DERA: variants seen among roughly 807,000 people sequenced by gnomAD.
DERA encodes the protein deoxyribose-phosphate aldolase, also known as 2-deoxy-D-ribose 5-phosphate aldolase.
A neutral mutation model predicts 41.1 loss-of-function variants in DERA; 15 were observed. The observed-to-expected ratio is 0.37, with a 90% CI of 0.24 to 0.56. The LOEUF (loss-of-function observed/expected upper bound fraction) is 0.56. Ranked by LOEUF, DERA falls within the 20% of genes least tolerant of loss-of-function variation. DERA has a pLI of 0.81. For synonymous variants in DERA, 139 were observed against 137.4 expected (o/e 1.01, Z -0.08); for missense variants, 396 against 403.4 (o/e 0.98, Z 0.16).
At chr12:15,968,735 T>G (rs1948640614) in intron 5 of DERA, among the ~76,000 whole-genome samples, 1 of 152,222 alleles carries the variant, frequency 6.6e-6, no homozygotes. Context: ...AGATAATGTA[T>G]GTAAAATATC....
At chr12:15,978,851 A>G (rs1948715509) in intron 5 of DERA, among the ~76,000 whole-genome samples, 1 of 152,228 alleles carries the variant, frequency 6.6e-6, no homozygotes, top group Admixed American at 6.5e-5. Flanking sequence ...ACAGGAACTG[A>G]CATTCCTTGA....
rs1313385941 is a variant in DERA, at chr12:15,990,317, A to C, written c.637+7881A>C. Among the ~76,000 whole-genome samples, 1 of 152,190 alleles carries C rather than the reference A, an allele frequency of 6.6e-6. No homozygotes were observed. The highest frequency in any genetic ancestry group is 1.5e-5 in the Non-Finnish European group (1 of 68,034). On this transcript the variant is annotated intron_variant, in intron 6 of 8. Coordinates refer to ENST00000428559, the MANE Select transcript of DERA (RefSeq NM_015954.4). This position sits in a 1 kb window ranked among gnomAD's most constrained non-coding sequence, Gnocchi z 4.3. ...TTATATTTGAACTTACTTTGCTAAC[A>C]CTTGCCTCTGTATTCAAAAAGAAAG...
chr12:15,963,009 G>C, intron 5 of DERA, 62 bp downstream of exon 5: 24 of 1,548,310 alleles, frequency 1.6e-5, no homozygotes, highest in Non-Finnish European at 2.0e-5. Flanking sequence ...CAGATGATGA[G>C]GTAAGATGTG....
Position 15,995,217 on chromosome 12 carries a change from A to G in DERA, c.637+12781A>G, listed in dbSNP as rs749345431. On this transcript the variant is annotated intron_variant, in intron 6 of 8. Transcript: ENST00000428559. This position sits in a 1 kb window ranked among gnomAD's most constrained non-coding sequence, Gnocchi z 5.1. ...TTTACTTTTCTGTTGAGGGCAAGAA[A>G]AGGAAGACATAATGGCAAGGTGTTT... is the stretch of plus-strand genomic sequence containing the variant. Among the ~76,000 whole-genome samples the G allele has an allele frequency of 2.6e-5, 4 of 152,318 alleles. No homozygotes were observed. Among genetic ancestry groups the G allele is most frequent in the African/African-American group, 4.8e-5 (2 of 41,576 alleles).
In DERA at chr12:15,954,604, G is replaced by A. The variant is rs1328825639; in HGVS notation, c.32-2332G>A. Among the ~76,000 whole-genome samples the A allele has an allele frequency of 6.6e-6, 1 of 152,222 alleles. No homozygotes were observed. Among genetic ancestry groups the A allele is most frequent in the Non-Finnish European group, 1.5e-5 (1 of 68,046 alleles). On this transcript the variant is annotated intron_variant, in intron 1 of 8. Transcript: ENST00000428559. This position sits in a 1 kb window ranked among gnomAD's most constrained non-coding sequence, Gnocchi z 4.0. ...GGCATAATGTGTCAGGGAACTGCCAGTAGTTTAGGAAGGCTGCACCACAGA... is the reference window on the plus strand; with the variant it reads ...GGCATAATGTGTCAGGGAACTGCCAATAGTTTAGGAAGGCTGCACCACAGA...
rs896871799 is a variant in DERA at position 16,001,981 on chromosome 12, CT to C, written c.637+19554del. The stretch of plus-strand genomic sequence containing the variant: ...GGCACTTTGTAACAGCAAGGTTATT[CT>C]TTTTTTTTATTATTATTATGCTTTA... On this transcript the variant is annotated intron_variant, in intron 6 of 8. Coordinates refer to ENST00000428559, the MANE Select transcript of DERA (RefSeq NM_015954.4). The surrounding 1 kb of genome is among the most constrained non-coding windows in gnomAD (Gnocchi z 4.1). Among the ~76,000 whole-genome samples the C allele has an allele frequency of 1.7e-3, 265 of 151,656 alleles. No homozygotes were observed. The highest frequency in any genetic ancestry group is 2.5e-3 in the Non-Finnish European group (170 of 67,874).
At chr12:15,920,221 G>C (rs545876453) in intron 1 of DERA, among the ~76,000 whole-genome samples, 5 of 152,038 alleles carry the variant, frequency 3.3e-5, no homozygotes, top group Admixed American at 6.5e-5. Flanking sequence ...CACTTATAAG[G>C]CTACCTCTTT....
chr12:15,945,016 G>T (rs1213839398), intron 1 of DERA, among the ~76,000 whole-genome samples: 2 of 152,106 alleles, frequency 1.3e-5, no homozygotes, highest in Non-Finnish European at 2.9e-5. Flanking sequence ...TTTTTGTCAG[G>T]TTTGTCAAAG....
In DERA at chr12:15,956,013, T is replaced by C. The variant is rs77491608; in HGVS notation, c.32-923T>C. 3.0e-3 allele frequency among the ~76,000 whole-genome samples: 453 copies of C among 152,366 alleles called. 2 individuals carry two copies. The highest frequency in any genetic ancestry group is 0.01 in the African/African-American group (432 of 41,596). On this transcript the variant is annotated intron_variant, in intron 1 of 8. Coordinates refer to ENST00000428559, the MANE Select transcript of DERA (RefSeq NM_015954.4). ...TTTACCGTGAGGCCACCTATGTTTA[T>C]AGGATATTGGTGGATGAAGTTGAAA... is the stretch of plus-strand genomic sequence containing the variant.
rs1948164281 is a variant in DERA at position 15,911,601 on chromosome 12, C to T, written c.31+187C>T. On this transcript the variant is annotated intron_variant, in intron 1 of 8. Coordinates refer to ENST00000428559, the MANE Select transcript of DERA (RefSeq NM_015954.4). This position sits in a 1 kb window ranked among gnomAD's most constrained non-coding sequence, Gnocchi z 4.5. ...GGCCGAACCCGGCACGTTCGCGCCG[C>T]TTGTCTTTGCACCTAAGCTTTTACT... 2.8e-6 allele frequency: 2 copies of T among 703,144 alleles called. No individual in the cohort carries two copies. The highest frequency in any genetic ancestry group is 1.8e-5 in the African/African-American group (1 of 56,696). 43.6% of individuals were successfully genotyped at this position (703,144 alleles called of 1,614,324 possible). A position where few individuals can be genotyped will look rare whatever the true frequency, so the allele number is the denominator to read the frequency against.
Position 15,999,026 on chromosome 12 carries a change from A to C in DERA, c.637+16590A>C, listed in dbSNP as rs1352903524. ...CACCTCCTTTCATCTTCAACATATT[A>C]GATTTAGGATTTGAATAGGGAGTTC... On this transcript the variant is annotated intron_variant, in intron 6 of 8. Transcript: ENST00000428559. The surrounding 1 kb of genome is among the most constrained non-coding windows in gnomAD (Gnocchi z 5.3). 6.6e-6 allele frequency among the ~76,000 whole-genome samples: 1 copy of C among 152,150 alleles called. No homozygotes were observed. The highest frequency in any genetic ancestry group is 1.5e-5 in the Non-Finnish European group (1 of 68,028).
In DERA at chr12:15,915,955, TGTGTCGACTG is replaced by T. The variant is rs1209485493; in HGVS notation, c.31+4545_31+4554del. On this transcript the variant is annotated intron_variant, in intron 1 of 8. Transcript: ENST00000428559. The surrounding 1 kb of genome is among the most constrained non-coding windows in gnomAD (Gnocchi z 4.8). ...ATGCTACATGCTTAAACAACCACAC[TGTGTCGACTG>T]GTGCTAACTGGGAGCACTACACCCT... is the stretch of plus-strand genomic sequence containing the variant. Among the ~76,000 whole-genome samples, 1 of 152,228 alleles carries T rather than the reference TGTGTCGACTG, an allele frequency of 6.6e-6. No homozygotes were observed. The highest frequency in any genetic ancestry group is 2.4e-5 in the African/African-American group (1 of 41,454).
intron 6 of DERA, among the ~76,000 whole-genome samples, chr12:16,028,034 CAG>C (rs1949064377): frequency 6.6e-6 from 1 of 152,184 alleles, no homozygotes. Flanking sequence ...TTAATATACA[CAG>C]ATATATTTCC....
In DERA at chr12:16,003,411, C is replaced by T. The variant is rs1948889124; in HGVS notation, c.637+20975C>T. On this transcript the variant is annotated intron_variant, in intron 6 of 8. Coordinates refer to ENST00000428559, the MANE Select transcript of DERA (RefSeq NM_015954.4). The surrounding 1 kb of genome is among the most constrained non-coding windows in gnomAD (Gnocchi z 4.8). Reference sequence around the variant, plus strand: ...ACTTCCACCTATGAATTTTGGGGGGCTCCAGTTCAATCCACAACAAATGAG... The same window carrying T: ...ACTTCCACCTATGAATTTTGGGGGGTTCCAGTTCAATCCACAACAAATGAG... 1.3e-5 allele frequency among the ~76,000 whole-genome samples: 2 copies of T among 152,132 alleles called. No individual in the cohort carries two copies. The highest frequency in any genetic ancestry group is 4.8e-5 in the African/African-American group (2 of 41,416).
chr12:15,987,802 G>A (rs929656908), intron 6 of DERA, among the ~76,000 whole-genome samples: 3 of 152,054 alleles, frequency 2.0e-5, no homozygotes, highest in Non-Finnish European at 4.4e-5. Flanking sequence ...GCTCCTGGTT[G>A]CTGGACTTGT....
chr12:15,936,539 A>G lies in DERA; in HGVS notation c.32-20397A>G, dbSNP rs1307211236. Among the ~76,000 whole-genome samples the G allele has an allele frequency of 6.6e-6, 1 of 152,240 alleles. No individual in the cohort carries two copies. Among genetic ancestry groups the G allele is most frequent in the East Asian group, 1.9e-4 (1 of 5,200 alleles). ...TAAAGAAATTAATATATTTTCTTAC[A>G]GTACCATAACATCATTGTCACAGTA... is the stretch of plus-strand genomic sequence containing the variant. On this transcript the variant is annotated intron_variant, in intron 1 of 8. Transcript: ENST00000428559. The surrounding 1 kb of genome is among the most constrained non-coding windows in gnomAD (Gnocchi z 4.6).
At position 15,954,261 on chromosome 12, in the gene DERA, A is replaced by C. The variant is rs1014704203; in HGVS notation, c.32-2675A>C. Reference sequence around the variant, plus strand: ...AAATCCTTTCTGGTCTTTGGGAACCACTCGACTTATTTATCGTATGCCACC... The same window carrying C: ...AAATCCTTTCTGGTCTTTGGGAACCCCTCGACTTATTTATCGTATGCCACC... On this transcript the variant is annotated intron_variant, in intron 1 of 8. Coordinates refer to ENST00000428559, the MANE Select transcript of DERA (RefSeq NM_015954.4). The surrounding 1 kb of genome is among the most constrained non-coding windows in gnomAD (Gnocchi z 4.0). 3.3e-5 allele frequency among the ~76,000 whole-genome samples: 5 copies of C among 152,092 alleles called. No homozygotes were observed. The highest frequency in any genetic ancestry group is 1.2e-4 in the African/African-American group (5 of 41,408).
intron 6 of DERA, among the ~76,000 whole-genome samples, chr12:16,029,235 C>CCATCCTGGCTAA (rs1297916356): frequency 1.3e-5 from 2 of 152,018 alleles, no homozygotes; most frequent in Non-Finnish European, 2.9e-5. Flanking sequence ...GAGATAGAGA[C>CCATCCTGGCTAA]CACGGTGAAA....
Position 15,915,153 on chromosome 12 carries a change from G to A in DERA, c.31+3739G>A, listed in dbSNP as rs1948190417. ...GTCTGGTTCAGGACCTGGACATCAA[G>A]CTAGAGCTACAATTAAATGCAAGTG... On this transcript the variant is annotated intron_variant, in intron 1 of 8. Coordinates refer to ENST00000428559, the MANE Select transcript of DERA (RefSeq NM_015954.4). This position sits in a 1 kb window ranked among gnomAD's most constrained non-coding sequence, Gnocchi z 4.8. Among the ~76,000 whole-genome samples the A allele has an allele frequency of 1.3e-5, 2 of 152,160 alleles. No homozygotes were observed. The highest frequency in any genetic ancestry group is 4.8e-5 in the African/African-American group (2 of 41,428).
Sources: allele counts gnomAD v4.1 joint callset (sites outside exome capture counted in the v4.1 genomes callset), GRCh38; gene constraint gnomAD v4.1.1; non-coding constraint Gnocchi (gnomAD v3.1); transcripts MANE v1.5; gene names NCBI Gene and HGNC (gene_info 2026-07-23, HGNC 2026-07-21).